GSK3B: variants seen among roughly 807,000 people sequenced by gnomAD.
The protein encoded by GSK3B is glycogen synthase kinase 3 beta, also known as glycogen synthase kinase-3 beta.
A neutral mutation model predicts 56.4 loss-of-function variants in GSK3B; 15 were observed. That is an observed-to-expected ratio of 0.27 (90% CI 0.18 to 0.41). GSK3B has a LOEUF of 0.41. Among genes scored for constraint, GSK3B ranks in the 10% least tolerant of loss-of-function variants. The pLI is 1.00. For synonymous variants in GSK3B, 181 were observed against 188.9 expected, an observed-to-expected ratio of 0.96 and a Z score of 0.34; for missense variants, 300 against 513.4, an observed-to-expected ratio of 0.58 and a Z score of 4.02.
intron 2 of GSK3B, among the ~76,000 whole-genome samples, chr3:119,995,769 A>C (rs1576257016): frequency 4.7e-5 from 6 of 126,570 alleles, no homozygotes; most frequent in Admixed American, 1.7e-4. Flanking sequence ...ACAGAGTCTC[A>C]CTCTGTCCCC....
chr3:119,947,009 A>G (rs887676953), intron 3 of GSK3B, among the ~76,000 whole-genome samples: 10 of 152,170 alleles, frequency 6.6e-5, no homozygotes, highest in Non-Finnish European at 1.3e-4. Context: ...AAAAAAGTAT[A>G]TAGATTTTCT....
chr3:120,091,039 A>T (rs1156273170), intron 1 of GSK3B, among the ~76,000 whole-genome samples: 1 of 152,024 alleles, frequency 6.6e-6, no homozygotes, highest in Admixed American at 6.6e-5. Flanking sequence ...GTCCTAATAC[A>T]CCTTGTCCGC....
chr3:119,933,438 C>G (rs1376114012), intron 3 of GSK3B, among the ~76,000 whole-genome samples: 1 of 152,154 alleles, frequency 6.6e-6, no homozygotes, highest in Non-Finnish European at 1.5e-5. Flanking sequence ...GAAAACAATT[C>G]TGTGTGTGTA....
rs778683487 is a variant in GSK3B, at chr3:120,002,187, A to G, written c.141T>C (p.Gly47=). Residue 47 remains glycine (G), a synonymous_variant, in exon 2 of 11, where the codon GGT becomes GGC. Coordinates refer to ENST00000264235, the MANE Select transcript of GSK3B (RefSeq NM_001146156.2). The stretch of plus-strand genomic sequence containing the variant: ...AGCTGACTTCTTGTGGCCTGTCTGG[A>G]CCCTGCCCAGGAGTTGCCACCACTG... ...VTTVVATPGQ[G]PDRPQEVSYT... is the part of the protein sequence containing the mutation. The G allele has an allele frequency of 6.2e-7, 1 of 1,604,270 alleles. No homozygotes were observed. Among genetic ancestry groups the G allele is most frequent in the South Asian group, 1.1e-5 (1 of 89,128 alleles).
At chr3:120,020,987 A>G (rs1265088099) in intron 1 of GSK3B, among the ~76,000 whole-genome samples, 1 of 152,200 alleles carries the variant, frequency 6.6e-6, no homozygotes, top group South Asian at 2.1e-4. Context: ...AGCCTAAACC[A>G]GAGCAAGGCC....
intron 1 of GSK3B, among the ~76,000 whole-genome samples, chr3:120,062,940 T>A (rs774580363): frequency 2.0e-5 from 3 of 152,186 alleles, no homozygotes; most frequent in African/African-American, 7.2e-5. Context: ...TTAGGAAGCA[T>A]ACAAACATGC....
chr3:120,078,900 A>AC (rs1225462526), intron 1 of GSK3B, among the ~76,000 whole-genome samples: 3 of 134,970 alleles, frequency 2.2e-5, no homozygotes, highest in Non-Finnish European at 3.1e-5. Flanking sequence ...ATTTTCTACA[A>AC]TTTGACAGGA....
intron 7 of GSK3B, among the ~76,000 whole-genome samples, chr3:119,878,258 GAACTCTTAT>G (rs888863435): frequency 4.6e-5 from 7 of 151,972 alleles, no homozygotes; most frequent in African/African-American, 1.7e-4. Flanking sequence ...AATATATAAA[GAACTCTTAT>G]AATTCAAAAA....
chr3:120,034,011 AT>A (rs1275838769), intron 1 of GSK3B, among the ~76,000 whole-genome samples: 5 of 152,220 alleles, frequency 3.3e-5, no homozygotes, highest in African/African-American at 9.6e-5. Context: ...ACCATTATGT[AT>A]ATCTTCCTTG....
At position 119,826,743 on chromosome 3, in the gene GSK3B, A is replaced by C. The variant is rs751072793; in HGVS notation, c.*45T>G. On this transcript the variant is annotated 3_prime_UTR_variant, in exon 11 of 11. Coordinates refer to ENST00000264235, the MANE Select transcript of GSK3B (RefSeq NM_001146156.2). ...TGACCAGTGTTGCTGAGTGACACTC[A>C]AGTAACTGGTGGTTTTTCCTGTGCA... is the stretch of plus-strand genomic sequence containing the variant. 8.1e-7 allele frequency: 1 copy of C among 1,241,466 alleles called. No homozygotes were observed. 76.9% of individuals were successfully genotyped at this position (1,241,466 alleles called of 1,614,324 possible). A position where few individuals can be genotyped will look rare whatever the true frequency, so the allele number is the denominator to read the frequency against.
At chr3:119,921,099 C>T (rs903664178) in intron 4 of GSK3B, among the ~76,000 whole-genome samples, 2 of 152,164 alleles carry the variant, frequency 1.3e-5, no homozygotes, top group Non-Finnish European at 2.9e-5. Context: ...AGGAAACGGT[C>T]AAATATTATT....
chr3:120,020,106 T>C (rs555557961), intron 1 of GSK3B, among the ~76,000 whole-genome samples: 3 of 152,348 alleles, frequency 2.0e-5, no homozygotes, highest in East Asian at 1.9e-4. Context: ...ATTTTAACTG[T>C]TGCGAAGATA....
chr3:120,016,361 G>A (rs991708839), intron 1 of GSK3B, among the ~76,000 whole-genome samples: 1 of 152,100 alleles, frequency 6.6e-6, no homozygotes, highest in African/African-American at 2.4e-5. Context: ...CCTACAAAAA[G>A]CCTGTGACAT....
At chr3:119,868,882 A>T (rs1041103185) in intron 8 of GSK3B, among the ~76,000 whole-genome samples, 4 of 152,182 alleles carry the variant, frequency 2.6e-5, no homozygotes, top group African/African-American at 4.8e-5. Flanking sequence ...AATTATATGC[A>T]ATTTGTAAAC....
At chr3:119,844,705 G>C (rs931546463) in intron 9 of GSK3B, among the ~76,000 whole-genome samples, 11 of 152,074 alleles carry the variant, frequency 7.2e-5, no homozygotes, top group African/African-American at 2.7e-4. Context: ...AGACCAGATG[G>C]ATTCACAATT....
intron 1 of GSK3B, among the ~76,000 whole-genome samples, chr3:120,018,487 T>C (rs751547288): frequency 5.3e-5 from 8 of 152,176 alleles, no homozygotes; most frequent in Non-Finnish European, 7.3e-5. Flanking sequence ...AATGACTCTA[T>C]AGTATTAAAA....
chr3:119,999,306 T>C (rs1236012052), intron 2 of GSK3B, among the ~76,000 whole-genome samples: 2 of 152,178 alleles, frequency 1.3e-5, no homozygotes, highest in Non-Finnish European at 2.9e-5. Context: ...AGGGGCTTGA[T>C]ACAGCGAGGA....
chr3:120,003,071 A>G (rs1049297010), intron 1 of GSK3B, among the ~76,000 whole-genome samples: 3 of 152,208 alleles, frequency 2.0e-5, no homozygotes, highest in Non-Finnish European at 4.4e-5. Context: ...TCTCAGAGAA[A>G]GCTCAGGTGG....
At chr3:119,889,624 G>T (rs1041965685) in intron 7 of GSK3B, among the ~76,000 whole-genome samples, 1 of 151,986 alleles carries the variant, frequency 6.6e-6, no homozygotes, top group East Asian at 1.9e-4. Flanking sequence ...AGTAAAAGAG[G>T]GGGAAAAACA....
Sources: allele counts gnomAD v4.1 joint callset (sites outside exome capture counted in the v4.1 genomes callset), GRCh38; gene constraint gnomAD v4.1.1; transcripts MANE v1.5; gene names NCBI Gene and HGNC (gene_info 2026-07-23, HGNC 2026-07-21).